EFCAB11: variants seen among roughly 807,000 people sequenced by gnomAD.
The protein encoded by EFCAB11 is EF-hand calcium-binding domain-containing protein 11.
A neutral mutation model predicts 23.0 loss-of-function variants in EFCAB11; 14 were observed. The observed-to-expected ratio is 0.61, with a 90% CI of 0.40 to 0.95. The LOEUF is 0.95. EFCAB11 is among the 40% of genes least tolerant of loss of function. The pLI, the probability that EFCAB11 is intolerant of heterozygous loss-of-function variation, is 0.00. For missense variants in EFCAB11, 198 were observed against 195.8 expected (o/e 1.01, Z -0.07); for synonymous variants, 65 against 66.6 (o/e 0.98, Z 0.11).
chr14:89,910,364 G>A (rs568019709), intron 5 of EFCAB11, among the ~76,000 whole-genome samples: 1 of 152,264 alleles, frequency 6.6e-6, no homozygotes, highest in South Asian at 2.1e-4. Context: ...TTGGGAGGCT[G>A]AGGCAGGCGG....
chr14:89,836,823 A>G (rs1261320435), intron 5 of EFCAB11, among the ~76,000 whole-genome samples: 1 of 152,184 alleles, frequency 6.6e-6, no homozygotes, highest in Non-Finnish European at 1.5e-5. Flanking sequence ...GCTCGAGACC[A>G]GCCTGGCCAA....
At chr14:89,830,594 A>G (rs1886850038) in intron 5 of EFCAB11, 1 of 152,216 alleles carries the variant, frequency 6.6e-6, no homozygotes, top group Non-Finnish European at 1.5e-5. Context: ...GTAATATAAA[A>G]CGAGCCTTTC....
At chr14:89,937,471 TCTC>T (rs1391382037) in intron 3 of EFCAB11, among the ~76,000 whole-genome samples, 1 of 152,156 alleles carries the variant, frequency 6.6e-6, no homozygotes, top group Admixed American at 6.6e-5. Flanking sequence ...CTGGAAAACA[TCTC>T]CTTCCATTTT....
chr14:89,827,949 C>A (rs1440805516), intron 5 of EFCAB11, among the ~76,000 whole-genome samples: 1 of 152,066 alleles, frequency 6.6e-6, no homozygotes, highest in Non-Finnish European at 1.5e-5. Context: ...TCACTCTTGA[C>A]ATGCATCTTC....
chr14:89,871,496 A>C lies in EFCAB11; in HGVS notation c.410+60045T>G, dbSNP rs78866832. Among the ~76,000 whole-genome samples, 1,067 of 152,182 alleles carry C rather than the reference A, an allele frequency of 7.0e-3. 19 individuals are homozygous for C. The East Asian group carries it at 0.089, about 13-fold the overall frequency. ...AGGAGAGGTAGCAACCAACCCGGGC[A>C]CTTTCTAGGCAATTATCTGTGAATC... is the stretch of plus-strand genomic sequence containing the variant. On this transcript the variant is annotated intron_variant, in intron 5 of 5. Transcript: ENST00000316738.
chr14:89,807,605 T>C (rs906401464), intron 5 of EFCAB11, among the ~76,000 whole-genome samples: 2 of 152,220 alleles, frequency 1.3e-5, no homozygotes, highest in South Asian at 4.1e-4. Flanking sequence ...CCTAATTACA[T>C]TGTTAGCCAT....
chr14:89,824,034 CAT>C (rs887058383), intron 5 of EFCAB11, among the ~76,000 whole-genome samples: 5 of 152,062 alleles, frequency 3.3e-5, no homozygotes, highest in African/African-American at 1.2e-4. Flanking sequence ...GATGGCCAAA[CAT>C]TGTGCAAATT....
intron 5 of EFCAB11, among the ~76,000 whole-genome samples, chr14:89,917,248 T>A (rs1379060137): frequency 3.3e-5 from 5 of 152,092 alleles, no homozygotes; most frequent in Non-Finnish European, 5.9e-5. Context: ...CATCTCCCCA[T>A]CTTCCCCACT....
intron 5 of EFCAB11, among the ~76,000 whole-genome samples, chr14:89,881,493 G>A (rs1888601861): frequency 3.1e-5 from 1 of 32,076 alleles, no homozygotes; most frequent in Non-Finnish European, 7.7e-5. Context: ...TGTCACCCAG[G>A]CTGGAGTGCA....
chr14:89,810,224 G>A (rs1195001740), intron 5 of EFCAB11, among the ~76,000 whole-genome samples: 1 of 152,198 alleles, frequency 6.6e-6, no homozygotes, highest in Non-Finnish European at 1.5e-5. Context: ...ATACGAGCAT[G>A]TGAGTGGGAG....
At chr14:89,936,150 T>C (rs890965034) in intron 3 of EFCAB11, among the ~76,000 whole-genome samples, 2 of 152,162 alleles carry the variant, frequency 1.3e-5, no homozygotes, top group Admixed American at 1.3e-4. Flanking sequence ...ACATATGATA[T>C]AGTAAAAACC....
chr14:89,843,020 C>T (rs1887320541), intron 5 of EFCAB11, among the ~76,000 whole-genome samples: 1 of 152,156 alleles, frequency 6.6e-6, no homozygotes, highest in South Asian at 2.1e-4. Context: ...ACTTACCACA[C>T]TTTATGGGAC....
chr14:89,898,068 C>T (rs1889222462), intron 5 of EFCAB11, among the ~76,000 whole-genome samples: 3 of 152,144 alleles, frequency 2.0e-5, no homozygotes, highest in Admixed American at 6.5e-5. Flanking sequence ...TGCACACCAA[C>T]TTTATAAAAA....
intron 5 of EFCAB11, chr14:89,931,137 A>C (rs12050179): frequency 0.19 from 29,821 of 160,652 alleles, 3,249 homozygotes; most frequent in South Asian, 0.31. Flanking sequence ...TTCTCTCCAG[A>C]CAACTCAAGA....
intron 5 of EFCAB11, among the ~76,000 whole-genome samples, chr14:89,861,819 T>C (rs980861540): frequency 2.0e-5 from 3 of 152,204 alleles, no homozygotes; most frequent in Non-Finnish European, 4.4e-5. Flanking sequence ...TGCAGCAAGA[T>C]GGTCCTCTCC....
chr14:89,918,906 T>C (rs1047654575), intron 5 of EFCAB11, among the ~76,000 whole-genome samples: 1 of 151,094 alleles, frequency 6.6e-6, no homozygotes, highest in Non-Finnish European at 1.5e-5. Flanking sequence ...ACATTTCTCC[T>C]GGATAGCAAT....
At chr14:89,842,370 C>A (rs1887294532) in intron 5 of EFCAB11, among the ~76,000 whole-genome samples, 2 of 152,194 alleles carry the variant, frequency 1.3e-5, no homozygotes, top group Admixed American at 1.3e-4. Context: ...AGGTGGATCA[C>A]CTGAGTTCAG....
chr14:89,884,227 G>T (rs1888684419), intron 5 of EFCAB11, among the ~76,000 whole-genome samples: 1 of 152,122 alleles, frequency 6.6e-6, no homozygotes, highest in African/African-American at 2.4e-5. Context: ...TGGTACAATA[G>T]TTCTATTTTT....
At chr14:89,833,421 C>A (rs1436757220) in intron 5 of EFCAB11, among the ~76,000 whole-genome samples, 2 of 152,156 alleles carry the variant, frequency 1.3e-5, no homozygotes, top group Non-Finnish European at 2.9e-5. Context: ...TACATAATAT[C>A]CACTCTAAGA....
Sources: gnomAD v4.1 joint callset for allele counts (sites outside exome capture counted in the v4.1 genomes callset) on GRCh38, gnomAD v4.1.1 for gene constraint, MANE v1.5 for transcripts, NCBI Gene and HGNC (gene_info 2026-07-23, HGNC 2026-07-21) for gene names.